The following PPM1H variants were observed in gnomAD, a reference collection of about 807,000 sequenced individuals.
The protein encoded by PPM1H is protein phosphatase, Mg2+/Mn2+ dependent 1H.
Under a neutral mutation model 54.9 loss-of-function variants are expected in PPM1H, and 27 were observed. The observed-to-expected ratio is 0.49, with a 90% CI of 0.36 to 0.68. The LOEUF (loss-of-function observed/expected upper bound fraction) is 0.68, where lower values mean the gene tolerates loss of function less well. PPM1H is among the 30% of genes least tolerant of loss of function. PPM1H has a pLI of 0.00. For synonymous variants in PPM1H, 305 were observed against 270.8 expected, an observed-to-expected ratio of 1.13 and a Z score of -1.24; for missense variants, 596 against 667.8, an observed-to-expected ratio of 0.89 and a Z score of 1.19.
At chr12:62,819,224 A>C (rs920457808) in intron 2 of PPM1H, among the ~76,000 whole-genome samples, 2 of 150,424 alleles carry the variant, frequency 1.3e-5, no homozygotes, top group Non-Finnish European at 3.0e-5. Flanking sequence ...CTGCCCTCCA[A>C]GTTAAAGTGA....
At chr12:62,911,502 T>C (rs1871459047) in intron 1 of PPM1H, among the ~76,000 whole-genome samples, 1 of 152,206 alleles carries the variant, frequency 6.6e-6, no homozygotes, top group South Asian at 2.1e-4. Context: ...ACCTGACAAG[T>C]CCGTTTGGAG....
chr12:62,818,901 A>G (rs1461029885), intron 2 of PPM1H, among the ~76,000 whole-genome samples: 2 of 148,796 alleles, frequency 1.3e-5, no homozygotes, highest in Non-Finnish European at 3.0e-5. Context: ...GCCCACTGTA[A>G]CCTCCACCTC....
intron 3 of PPM1H, among the ~76,000 whole-genome samples, chr12:62,792,543 C>CG (rs2076706751): frequency 6.6e-6 from 1 of 152,176 alleles, no homozygotes. Flanking sequence ...TGCACATGTG[C>CG]ACACACACAC....
intron 4 of PPM1H, among the ~76,000 whole-genome samples, chr12:62,769,394 C>T (rs954712156): frequency 6.6e-6 from 1 of 152,210 alleles, no homozygotes; most frequent in Non-Finnish European, 1.5e-5. Flanking sequence ...TGCGTGTGAG[C>T]AACTGGTCCT....
At chr12:62,678,339 ATGAAATTATTAT>A (rs2075999310) in intron 8 of PPM1H, among the ~76,000 whole-genome samples, 1 of 152,238 alleles carries the variant, frequency 6.6e-6, no homozygotes, top group Admixed American at 6.5e-5. Flanking sequence ...AAACATCCAA[ATGAAATTATTAT>A]TTTTCAGGAG....
At position 62,755,380 on chromosome 12, in the gene PPM1H, T is replaced by C; in HGVS notation, c.870-17794A>G. The C allele has an allele frequency of 3.8e-6, 3 of 795,768 alleles. No individual in the cohort carries two copies. The South Asian group carries it at 4.0e-5, about 11-fold the overall frequency. 49.3% of individuals were successfully genotyped at this position (795,768 alleles called of 1,614,324 possible). A position where few individuals can be genotyped will look rare whatever the true frequency, so the allele number is the denominator to read the frequency against. On this transcript the variant is annotated intron_variant, in intron 4 of 9. Coordinates refer to ENST00000228705, the MANE Select transcript of PPM1H (RefSeq NM_020700.2). ...CTGTGTGTTCCAGTATGATTTTGTC[T>C]GTGGCAAATTCCATGGCACTGCCAA...
chr12:62,826,341 C>A (rs188885579), intron 2 of PPM1H, among the ~76,000 whole-genome samples: 1 of 152,140 alleles, frequency 6.6e-6, no homozygotes. Flanking sequence ...CCCAGCTACT[C>A]AGGAGGATGA....
intron 1 of PPM1H, among the ~76,000 whole-genome samples, chr12:62,841,805 A>T (rs1868761360): frequency 6.6e-6 from 1 of 152,196 alleles, no homozygotes; most frequent in Admixed American, 6.5e-5. Context: ...CTGAGAATGA[A>T]AAAACAAACA....
intron 1 of PPM1H, among the ~76,000 whole-genome samples, chr12:62,833,670 G>A (rs1321272209): frequency 6.6e-6 from 1 of 152,178 alleles, no homozygotes; most frequent in Non-Finnish European, 1.5e-5. Context: ...CAAGATGTAA[G>A]CGAGCGTGTT....
rs576651444 is a variant in PPM1H at position 62,707,023 on chromosome 12, A to T, written c.1074-13024T>A. On this transcript the variant is annotated intron_variant, in intron 6 of 9. Coordinates refer to ENST00000228705, the MANE Select transcript of PPM1H (RefSeq NM_020700.2). ...CAAAGTGCTCAGGTGCAATAAACTC[A>T]GACTCCAAATTTTCATACCTAGGTG... Among the ~76,000 whole-genome samples, 13 of 152,328 alleles carry T rather than the reference A, an allele frequency of 8.5e-5. No homozygotes were observed. In the South Asian group the frequency reaches 2.7e-3, roughly 32 times the overall value.
At chr12:62,661,884 T>C (rs2075886020) in intron 9 of PPM1H, among the ~76,000 whole-genome samples, 2 of 152,266 alleles carry the variant, frequency 1.3e-5, no homozygotes, top group Admixed American at 1.3e-4. Flanking sequence ...TGCAGACTGA[T>C]AGTCTATTTC....
intron 4 of PPM1H, among the ~76,000 whole-genome samples, chr12:62,745,128 A>G (rs923079171): frequency 6.6e-6 from 1 of 152,214 alleles, no homozygotes; most frequent in Non-Finnish European, 1.5e-5. Context: ...GCTTGATAAC[A>G]TATAATTATG....
intron 6 of PPM1H, among the ~76,000 whole-genome samples, chr12:62,714,313 C>A (rs912432543): frequency 6.6e-6 from 1 of 152,144 alleles, no homozygotes; most frequent in African/African-American, 2.4e-5. Flanking sequence ...TTTCTCTTTG[C>A]CTCAATAAAA....
chr12:62,906,864 G>A (rs1030382510), intron 1 of PPM1H, among the ~76,000 whole-genome samples: 8 of 152,206 alleles, frequency 5.3e-5, no homozygotes, highest in Admixed American at 6.5e-5. Context: ...CATGTATAGC[G>A]TAACAACACG....
At chr12:62,872,341 C>T (rs1485332305) in intron 1 of PPM1H, among the ~76,000 whole-genome samples, 1 of 152,186 alleles carries the variant, frequency 6.6e-6, no homozygotes, top group South Asian at 2.1e-4. Flanking sequence ...CAAGATATAA[C>T]ACTAACCAAA....
rs764624652 is a variant in PPM1H at position 62,934,052 on chromosome 12, A to G, written c.245+440T>C. ...GACACAAGCTCCCAGGCGCAGTGAC[A>G]TCTCCTCCAAGCCTCCACCCCCATA... On this transcript the variant is annotated intron_variant, in intron 1 of 9. Transcript: ENST00000228705. The surrounding 1 kb of genome is among the most constrained non-coding windows in gnomAD (Gnocchi z 4.2). 3.8e-5 allele frequency: 6 copies of G among 157,118 alleles called. No homozygotes were observed. Among genetic ancestry groups the G allele is most frequent in the Non-Finnish European group, 7.0e-5 (5 of 71,532 alleles). 9.7% of individuals were successfully genotyped at this position (157,118 alleles called of 1,614,324 possible). A position where few individuals can be genotyped will look rare whatever the true frequency, so the allele number is the denominator to read the frequency against.
intron 2 of PPM1H, among the ~76,000 whole-genome samples, chr12:62,826,516 A>C (rs1704485018): frequency 1.3e-5 from 2 of 152,220 alleles, no homozygotes; most frequent in African/African-American, 2.4e-5. Flanking sequence ...AGGTCATGAA[A>C]TATAAAGTCA....
chr12:62,717,631 C>A, intron 6 of PPM1H, among the ~76,000 whole-genome samples: 1 of 150,360 alleles, frequency 6.7e-6, no homozygotes, highest in African/African-American at 2.4e-5. Context: ...TAGCCATTTT[C>A]TAAATATTAA....
chr12:62,860,917 T>G (rs1461758531), intron 1 of PPM1H, among the ~76,000 whole-genome samples: 8 of 152,190 alleles, frequency 5.3e-5, no homozygotes, highest in Non-Finnish European at 1.2e-4. Context: ...TATTTCGTGT[T>G]TTATCATTTA....
Sources: gnomAD v4.1 joint callset for allele counts (sites outside exome capture counted in the v4.1 genomes callset) on GRCh38, gnomAD v4.1.1 for gene constraint, Gnocchi (gnomAD v3.1) non-coding constraint, MANE v1.5 for transcripts, NCBI Gene and HGNC (gene_info 2026-07-23, HGNC 2026-07-21) for gene names.